Variants in XIST observed in about 807,000 individuals in gnomAD.
XIST encodes X inactive specific transcript.
At chrX:73,835,643 C>T (rs1237366635) in intron 2 of XIST, among the ~76,000 whole-genome samples, 3 of 111,729 alleles carry the variant, frequency 2.7e-5, no homozygotes, top group Non-Finnish European at 3.8e-5. Flanking sequence ...TTCCCATAAA[C>T]CTAAATAGTA....
intron 3 of XIST, among the ~76,000 whole-genome samples, chrX:73,831,968 T>C (rs1290793335): frequency 8.9e-6 from 1 of 112,147 alleles, no homozygotes; most frequent in Non-Finnish European, 1.9e-5. Context: ...ACAACCTGTA[T>C]AATAGGGCGC....
exon 1 of XIST, chrX:73,844,814 A>G (rs1340867586): frequency 1.8e-6 from 1 of 557,285 alleles, no homozygotes; most frequent in Non-Finnish European, 3.2e-6. Flanking sequence ...GTGTGCAGTT[A>G]CACACATTAT....
At position 73,821,205 on chromosome X, in the gene XIST, A is replaced by C. The variant is rs770449921; in HGVS notation, n.18696T>G. ...AAAATGTACAGAATGAAAACTAGAA[A>C]ATTTCAACCCCAGATTATCTTCAAC... On this transcript the variant is annotated non_coding_transcript_exon_variant, in exon 6 of 6. Coordinates refer to ENST00000429829, the Ensembl canonical transcript of XIST. 3.8e-5 allele frequency: 21 copies of C among 555,760 alleles called. No individual in the cohort carries two copies. The South Asian group carries it at 4.7e-4, about 12-fold the overall frequency. The allele number at this position is 555,760 out of a possible 1,213,427, so 45.8% of individuals were successfully genotyped here.
chrX:73,822,156 T>C (rs762254433), exon 6 of XIST: 5 of 556,890 alleles, frequency 9.0e-6, no homozygotes, highest in Non-Finnish European at 1.3e-5. Flanking sequence ...GTTTGGGAAT[T>C]AGTTGGTCAT....
chrX:73,832,202 C>T (rs1922400387), intron 3 of XIST, among the ~76,000 whole-genome samples: 1 of 111,103 alleles, frequency 9.0e-6, no homozygotes, highest in South Asian at 3.8e-4. Flanking sequence ...GGCGTGGTCG[C>T]GCATGCCTGT....
At chrX:73,849,200 A>G in exon 1 of XIST, 1 of 559,003 alleles carries the variant, frequency 1.8e-6, no homozygotes, top group Non-Finnish European at 3.2e-6. Flanking sequence ...TTGTTCTTTA[A>G]TTGTCCAAGA....
exon 1 of XIST, chrX:73,850,369 G>A: frequency 3.7e-6 from 2 of 536,470 alleles, no homozygotes; most frequent in East Asian, 3.3e-5. Context: ...TGTAATTAAA[G>A]TGAATTCTAC....
chrX:73,846,384 A>T, exon 1 of XIST: 1 of 559,282 alleles, frequency 1.8e-6, no homozygotes, highest in Non-Finnish European at 3.2e-6. Flanking sequence ...CTGGAAGGGA[A>T]AGGTGAGACT....
chrX:73,850,865 C>T (rs1922918356), exon 1 of XIST: 1 of 538,080 alleles, frequency 1.9e-6, no homozygotes, highest in East Asian at 3.4e-5. Context: ...CAAGAGGCAG[C>T]ACTGGACAGG....
At chrX:73,836,534 G>C (rs1922486849) in intron 2 of XIST, among the ~76,000 whole-genome samples, 1 of 111,542 alleles carries the variant, frequency 9.0e-6, no homozygotes, top group Non-Finnish European at 1.9e-5. Context: ...GGAGACGTAG[G>C]TATAAACACA....
At chrX:73,851,399 A>C in exon 1 of XIST, 2 of 559,098 alleles carry the variant, frequency 3.6e-6, no homozygotes, top group Non-Finnish European at 6.5e-6. Flanking sequence ...GTGTGACCGC[A>C]CATGTCCACC....
chrX:73,850,042 C>G (rs1345123102), exon 1 of XIST: 1 of 558,758 alleles, frequency 1.8e-6, no homozygotes, highest in Admixed American at 2.2e-5. Context: ...ATTCAAGTTT[C>G]CTGTCTGATA....
chrX:73,821,135 A>G (rs1922102815), exon 6 of XIST: 5 of 556,383 alleles, frequency 9.0e-6, no homozygotes, highest in Non-Finnish European at 1.6e-5. Context: ...CTGATACCAC[A>G]CATTGAAAGG....
At chrX:73,821,534 T>TCC (rs1922116219) in exon 6 of XIST, 1 of 556,728 alleles carries the variant, frequency 1.8e-6, no homozygotes, top group Non-Finnish European at 3.2e-6. Context: ...GGACAAAGGA[T>TCC]TTTGTCCTCA....
chrX:73,842,560 C>T (rs758599380), exon 1 of XIST: 1 of 558,667 alleles, frequency 1.8e-6, no homozygotes, highest in East Asian at 3.2e-5. Flanking sequence ...GTCAACACTG[C>T]ACCAACACAC....
At chrX:73,846,260 T>C (rs776417132) in exon 1 of XIST, 3 of 556,596 alleles carry the variant, frequency 5.4e-6, no homozygotes, top group Non-Finnish European at 9.7e-6. Context: ...TTCAGATAGG[T>C]TGAGCTGTGT....
chrX:73,832,395 C>G (rs766707387), intron 3 of XIST, among the ~76,000 whole-genome samples: 7 of 110,903 alleles, frequency 6.3e-5, no homozygotes, highest in Non-Finnish European at 1.1e-4. Flanking sequence ...AAACAAGGTA[C>G]AGAAAACCAG....
exon 6 of XIST, chrX:73,823,100 T>C (rs1215618365): frequency 1.8e-6 from 1 of 553,815 alleles, no homozygotes; most frequent in Non-Finnish European, 3.2e-6. Flanking sequence ...GCCAGACCAA[T>C]GAGCAAATAC....
intron 4 of XIST, among the ~76,000 whole-genome samples, chrX:73,830,431 A>C (rs1922357675): frequency 8.9e-6 from 1 of 112,130 alleles, no homozygotes; most frequent in South Asian, 3.8e-4. Flanking sequence ...GATTTATTGC[A>C]CCGAATGGTC....
Sources: gnomAD v4.1 joint callset for allele counts (sites outside exome capture counted in the v4.1 genomes callset) on GRCh38, gnomAD v4.1.1 for gene constraint, MANE v1.5 for transcripts, NCBI Gene and HGNC (gene_info 2026-07-23, HGNC 2026-07-21) for gene names.